Variants in SCUBE1 observed in about 807,000 individuals in gnomAD.
SCUBE1 encodes signal peptide, CUB and EGF-like domain-containing protein 1.
Under a neutral mutation model 124.4 loss-of-function variants are expected in SCUBE1, and 59 were observed. The ratio of observed to expected loss-of-function variants is 0.47; its 90% CI spans 0.38 to 0.59. The LOEUF (loss-of-function observed/expected upper bound fraction) is 0.59, where lower values mean the gene tolerates loss of function less well. Ranked by LOEUF, SCUBE1 falls within the 20% of genes least tolerant of loss-of-function variation. The pLI is 0.00. For missense variants in SCUBE1, 1,150 were observed against 1,371.2 expected, an observed-to-expected ratio of 0.84 and a Z score of 2.55; for synonymous variants, 545 against 550.9, an observed-to-expected ratio of 0.99 and a Z score of 0.15.
At chr22:43,295,050 C>T (rs982819280) in intron 3 of SCUBE1, among the ~76,000 whole-genome samples, 6 of 152,186 alleles carry the variant, frequency 3.9e-5, no homozygotes, top group African/African-American at 1.4e-4. Flanking sequence ...CTAAAAGAGG[C>T]AGAAAGAGAA....
rs562813138 is a variant in SCUBE1, at chr22:43,234,677, C to T, written c.845-2802G>A. On this transcript the variant is annotated intron_variant, in intron 7 of 21. Transcript: ENST00000360835. The surrounding 1 kb of genome is among the most constrained non-coding windows in gnomAD (Gnocchi z 4.4). ...CAGCTTTTGCACCTCTCTGCCCTTC[C>T]GCTCCTTCCTGGGTTCCCACCCCAC... Among the ~76,000 whole-genome samples, 5 of 152,290 alleles carry T rather than the reference C, an allele frequency of 3.3e-5. No homozygotes were observed. The South Asian group carries it at 6.2e-4, about 19-fold the overall frequency.
intron 3 of SCUBE1, among the ~76,000 whole-genome samples, chr22:43,301,220 C>G (rs1019085032): frequency 1.3e-5 from 2 of 152,206 alleles, no homozygotes; most frequent in African/African-American, 4.8e-5. Context: ...GCCAGTCGCC[C>G]TCGTCTCTGG....
chr22:43,334,159 T>C (rs537896402), intron 2 of SCUBE1, among the ~76,000 whole-genome samples: 1 of 152,328 alleles, frequency 6.6e-6, no homozygotes, highest in South Asian at 2.1e-4. Flanking sequence ...TTTCATCTAC[T>C]GCAAAAATGA....
At chr22:43,297,268 G>A (rs1925599016) in intron 3 of SCUBE1, among the ~76,000 whole-genome samples, 1 of 152,202 alleles carries the variant, frequency 6.6e-6, no homozygotes, top group Non-Finnish European at 1.5e-5. Flanking sequence ...CACTTCTCCT[G>A]GGTCTCAGCC....
At chr22:43,276,660 T>C (rs1924533142) in intron 4 of SCUBE1, among the ~76,000 whole-genome samples, 1 of 152,208 alleles carries the variant, frequency 6.6e-6, no homozygotes, top group Admixed American at 6.5e-5. Flanking sequence ...TCTGCATGAC[T>C]TTCCATGCGT....
intron 4 of SCUBE1, among the ~76,000 whole-genome samples, chr22:43,286,896 T>C (rs1925168766): frequency 6.6e-6 from 1 of 152,132 alleles, no homozygotes; most frequent in Admixed American, 6.5e-5. Flanking sequence ...GAATTCTACA[T>C]TGAGAGAAAA....
chr22:43,207,729 T>C (rs1252227975), intron 20 of SCUBE1, 116 bp from the exon 21 acceptor site: 5 of 813,336 alleles, frequency 6.1e-6, no homozygotes, highest in Non-Finnish European at 1.0e-5. Flanking sequence ...CTCTGGGCTA[T>C]GGCTGGCCGC....
chr22:43,229,892 T>C (rs962878381), intron 8 of SCUBE1, among the ~76,000 whole-genome samples: 9 of 149,946 alleles, frequency 6.0e-5, no homozygotes, highest in African/African-American at 1.7e-4. Flanking sequence ...ATGGCTGTTA[T>C]GGGACAGTTG....
At chr22:43,243,723 T>C (rs986586013) in intron 6 of SCUBE1, among the ~76,000 whole-genome samples, 1 of 152,228 alleles carries the variant, frequency 6.6e-6, no homozygotes, top group African/African-American at 2.4e-5. Flanking sequence ...GGCAAGTCCC[T>C]TGGCTTCTCA....
At chr22:43,237,069 G>GC (rs1491486778) in intron 7 of SCUBE1, among the ~76,000 whole-genome samples, 2 of 135,544 alleles carry the variant, frequency 1.5e-5, no homozygotes, top group Non-Finnish European at 3.1e-5. Context: ...TGGTGAAAGG[G>GC]CCCCGACCGC....
chr22:43,325,196 A>T (rs1926682034), intron 2 of SCUBE1, among the ~76,000 whole-genome samples: 1 of 152,004 alleles, frequency 6.6e-6, no homozygotes, highest in Non-Finnish European at 1.5e-5. Context: ...TCAGGCCCCC[A>T]GCCAGTGGTT....
rs749620759 is a variant in SCUBE1, at chr22:43,210,110, G to A, written c.2514C>T (p.Ile838=). 2.0e-5 allele frequency: 33 copies of A among 1,612,874 alleles called. No individual in the cohort carries two copies. The highest frequency in any genetic ancestry group is 2.6e-5 in the Non-Finnish European group (31 of 1,179,694). Reference sequence around the variant, plus strand: ...TGGGCAGGAAGATCTCAGGGACCACGATGAGGATCCTGCGCTTTGGGGGAG... The same window carrying A: ...TGGGCAGGAAGATCTCAGGGACCACAATGAGGATCCTGCGCTTTGGGGGAG... The part of the protein sequence containing the change: ...IAPPPKRRIL[I]VVPEIFLPIE... The change falls in exon 19 of 22, where the codon ATC becomes ATT. Residue 838 remains isoleucine (I), a synonymous_variant. Coordinates refer to ENST00000360835, the MANE Select transcript of SCUBE1 (RefSeq NM_173050.5). The surrounding 1 kb of genome is among the most constrained non-coding windows in gnomAD (Gnocchi z 4.5).
chr22:43,268,082 C>T (rs1924145333), intron 4 of SCUBE1, among the ~76,000 whole-genome samples: 1 of 152,220 alleles, frequency 6.6e-6, no homozygotes, highest in Non-Finnish European at 1.5e-5. Flanking sequence ...CCAGCCAGGT[C>T]CATGCAGCCA....
chr22:43,277,139 G>A (rs1010997900), intron 4 of SCUBE1, among the ~76,000 whole-genome samples: 14 of 152,256 alleles, frequency 9.2e-5, no homozygotes, highest in African/African-American at 3.4e-4. Flanking sequence ...GCGGGGAAAA[G>A]GTGTAGAGGG....
intron 4 of SCUBE1, among the ~76,000 whole-genome samples, chr22:43,286,886 G>C (rs1240716772): frequency 6.6e-6 from 1 of 152,236 alleles, no homozygotes; most frequent in African/African-American, 2.4e-5. Context: ...ATTCTGGTCA[G>C]AATTCTACAT....
At position 43,255,459 on chromosome 22, in the gene SCUBE1, C is replaced by T. The variant is rs1445979467; in HGVS notation, c.727+2760G>A. The stretch of plus-strand genomic sequence containing the variant: ...GCACACACACACACAAGTGCAAGTA[C>T]GACAAAGGAAGTGGAAGAAAAGTGT... On this transcript the variant is annotated intron_variant, in intron 6 of 21. Transcript: ENST00000360835. This position sits in a 1 kb window ranked among gnomAD's most constrained non-coding sequence, Gnocchi z 4.7. 1.7e-5 allele frequency: 26 copies of T among 1,538,434 alleles called. No homozygotes were observed. Among genetic ancestry groups the T allele is most frequent in the South Asian group, 9.5e-5 (8 of 83,838 alleles).
intron 2 of SCUBE1, among the ~76,000 whole-genome samples, chr22:43,336,612 G>A (rs530293569): frequency 2.0e-5 from 3 of 152,144 alleles, no homozygotes; most frequent in Non-Finnish European, 4.4e-5. Context: ...CTTATGGTGG[G>A]CCCTCAATAA....
intron 3 of SCUBE1, chr22:43,317,196 C>G (rs1926379507): frequency 6.6e-6 from 1 of 152,262 alleles, no homozygotes; most frequent in African/African-American, 2.4e-5. Flanking sequence ...AACAAAAAAG[C>G]AAACAATCTA....
At chr22:43,254,451 C>T (rs1923580460) in intron 6 of SCUBE1, among the ~76,000 whole-genome samples, 1 of 152,230 alleles carries the variant, frequency 6.6e-6, no homozygotes, top group Admixed American at 6.5e-5. Flanking sequence ...GGCCACGAAA[C>T]AAAGCCACCT....
Sources: gnomAD v4.1 joint callset for allele counts (sites outside exome capture counted in the v4.1 genomes callset) on GRCh38, gnomAD v4.1.1 for gene constraint, Gnocchi (gnomAD v3.1) non-coding constraint, MANE v1.5 for transcripts, NCBI Gene and HGNC (gene_info 2026-07-23, HGNC 2026-07-21) for gene names.